RBFOX1: variants seen among roughly 807,000 people sequenced by gnomAD.
RBFOX1 encodes the protein RNA binding protein fox-1 homolog 1.
In RBFOX1, 8 loss-of-function variants were observed where a neutral mutation model predicts 57.7. That is an observed-to-expected ratio of 0.14 (90% CI 0.08 to 0.25). The LOEUF is 0.25. RBFOX1 is among the 10% of genes least tolerant of loss of function. The pLI is 1.00. For missense variants in RBFOX1, 611 were observed against 548.5 expected, an observed-to-expected ratio of 1.11 and a Z score of -1.14; for synonymous variants, 326 against 222.4, an observed-to-expected ratio of 1.47 and a Z score of -4.15.
chr16:6,819,991 C>G (rs1251224428), intron 3 of RBFOX1, among the ~76,000 whole-genome samples: 1 of 152,112 alleles, frequency 6.6e-6, no homozygotes, highest in East Asian at 1.9e-4. Flanking sequence ...CAAATCACAT[C>G]TTGAATTGTA....
At chr16:6,978,931 C>A (rs756919282) in intron 3 of RBFOX1, among the ~76,000 whole-genome samples, 2 of 152,196 alleles carry the variant, frequency 1.3e-5, no homozygotes, top group African/African-American at 2.4e-5. Flanking sequence ...GGCCTGGGGA[C>A]CACACCCATC....
chr16:7,255,621 G>T (rs749899227), intron 4 of RBFOX1, among the ~76,000 whole-genome samples: 1 of 152,054 alleles, frequency 6.6e-6, no homozygotes, highest in African/African-American at 2.4e-5. Context: ...GCAAGGTCTG[G>T]ACCAGCACTG....
chr16:6,510,925 A>G (rs2096243550), intron 2 of RBFOX1, among the ~76,000 whole-genome samples: 1 of 152,068 alleles, frequency 6.6e-6, no homozygotes, highest in East Asian at 1.9e-4. Flanking sequence ...AATTTTAAGC[A>G]TGAAAGACAA....
chr16:7,272,939 C>T (rs976102637), intron 4 of RBFOX1, among the ~76,000 whole-genome samples: 1 of 141,522 alleles, frequency 7.1e-6, no homozygotes, highest in Non-Finnish European at 1.5e-5. Flanking sequence ...TCCCTCACTT[C>T]CTTCCCTGCT....
chr16:6,730,357 C>T (rs75430967), intron 3 of RBFOX1, among the ~76,000 whole-genome samples: 2,405 of 151,696 alleles, frequency 0.016, 39 homozygotes, highest in Middle Eastern at 0.031. Flanking sequence ...ATATAGTAAG[C>T]AGTAAGCATG....
At chr16:6,872,357 C>G (rs985075614) in intron 3 of RBFOX1, among the ~76,000 whole-genome samples, 2 of 152,114 alleles carry the variant, frequency 1.3e-5, no homozygotes, top group African/African-American at 2.4e-5. Context: ...CTCTCTTTTT[C>G]TCTTTCTCGT....
At chr16:6,105,193 C>G (rs182519203) in intron 1 of RBFOX1, among the ~76,000 whole-genome samples, 1 of 152,194 alleles carries the variant, frequency 6.6e-6, no homozygotes, top group African/African-American at 2.4e-5. Context: ...GGACCACCCT[C>G]CATTTTTAAG....
Position 6,637,320 on chromosome 16 carries a change from T to A in RBFOX1, c.-63-17283T>A, listed in dbSNP as rs866576733. Among the ~76,000 whole-genome samples, 409 of 66,420 alleles carry A rather than the reference T, an allele frequency of 6.2e-3. 86 individuals are homozygous for A. The highest frequency in any genetic ancestry group is 0.036 in the African/African-American group (400 of 11,238). 43.6% of individuals were successfully genotyped at this position (66,420 alleles called of 152,430 possible). On this transcript the variant is annotated intron_variant, in intron 2 of 15. Coordinates refer to ENST00000550418, the MANE Select transcript of RBFOX1 (RefSeq NM_018723.4). Reference sequence around the variant, plus strand: ...ATATACAAATATATATTATATATTATATATATTATATAATATACAAATATA... The same window carrying A: ...ATATACAAATATATATTATATATTAAATATATTATATAATATACAAATATA...
In RBFOX1 at chr16:7,518,247, C is replaced by T. The variant is rs768489798; in HGVS notation, c.128C>T (p.Ala43Val). 3 of 1,614,138 alleles carry T rather than the reference C, an allele frequency of 1.9e-6. No homozygotes were observed. Among genetic ancestry groups the T allele is most frequent in the South Asian group, 1.1e-5 (1 of 91,082 alleles). ...PQNGIPAEYT[A>V]PHPHPAPEYT... The stretch of plus-strand genomic sequence containing the variant: ...AACGGTATCCCCGCGGAATACACGG[C>T]CCCTCATCCCCACCCCGCGCCAGAG... The change falls in exon 5 of 16, where the codon GCC becomes GTC. Residue 43 changes from alanine (A) to valine (V), a missense_variant. By Grantham distance (64) the Ala-to-Val change is moderately conservative. Coordinates refer to ENST00000550418, the MANE Select transcript of RBFOX1 (RefSeq NM_018723.4).
chr16:6,097,521 A>C lies in RBFOX1; in HGVS notation c.-127+77529A>C, dbSNP rs564612822. Among the ~76,000 whole-genome samples the C allele has an allele frequency of 6.6e-6, 1 of 152,302 alleles. No homozygotes were observed. Among genetic ancestry groups the C allele is most frequent in the South Asian group, 2.1e-4 (1 of 4,822 alleles). On this transcript the variant is annotated intron_variant, in intron 1 of 15. Transcript: ENST00000550418. This position sits in a 1 kb window ranked among gnomAD's most constrained non-coding sequence, Gnocchi z 5.0. ...GAACCAGCAATCTGTGCTTTCAACA[A>C]GCTCTCTGAGTGCTTCTTCTGAATG...
chr16:6,288,738 T>A (rs2152715533), intron 1 of RBFOX1, among the ~76,000 whole-genome samples: 1 of 152,242 alleles, frequency 6.6e-6, no homozygotes. Context: ...AAGCAAGGTC[T>A]TAGGTCTCTA....
intron 3 of RBFOX1, among the ~76,000 whole-genome samples, chr16:5,653,184 T>C (rs1053500944): frequency 3.3e-4 from 46 of 139,988 alleles, no homozygotes; most frequent in African/African-American, 1.5e-3. Flanking sequence ...TGCTGCACTT[T>C]TGTGCGGAAG....
chr16:6,652,367 G>C (rs936939649), intron 2 of RBFOX1, among the ~76,000 whole-genome samples: 2 of 152,054 alleles, frequency 1.3e-5, no homozygotes, highest in African/African-American at 4.8e-5. Flanking sequence ...AGAATCACTT[G>C]AACCTGGGAG....
chr16:7,230,394 A>C (rs1262156672), intron 4 of RBFOX1, among the ~76,000 whole-genome samples: 8 of 152,126 alleles, frequency 5.3e-5, no homozygotes, highest in Admixed American at 5.2e-4. Context: ...TTAACATATC[A>C]GCTTCCATAG....
chr16:6,292,636 A>G (rs1010663631), intron 1 of RBFOX1, among the ~76,000 whole-genome samples: 9 of 152,148 alleles, frequency 5.9e-5, no homozygotes, highest in African/African-American at 2.2e-4. Flanking sequence ...TCACTGTGGA[A>G]AATTTCTGTA....
Position 6,347,258 on chromosome 16 carries a change from G to T in RBFOX1, c.-64+30201G>T, listed in dbSNP as rs1012886685. 3.3e-5 allele frequency among the ~76,000 whole-genome samples: 5 copies of T among 152,178 alleles called. No homozygotes were observed. The South Asian group carries it at 6.2e-4, about 19-fold the overall frequency. On this transcript the variant is annotated intron_variant, in intron 2 of 15. Coordinates refer to ENST00000550418, the MANE Select transcript of RBFOX1 (RefSeq NM_018723.4). ...CAACTAGGGAAGTCATGGTAATGTA[G>T]ACAGTGAACGGGAGATGGTTCTCAT...
intron 4 of RBFOX1, among the ~76,000 whole-genome samples, chr16:7,481,595 C>G (rs1388524776): frequency 1.3e-5 from 2 of 152,194 alleles, no homozygotes; most frequent in African/African-American, 4.8e-5. Flanking sequence ...CTGAAGGAAT[C>G]TTGCAGATAA....
chr16:5,590,141 T>G lies in RBFOX1; in HGVS notation c.259-8761T>G, dbSNP rs78298868. On this transcript the variant is annotated intron_variant, in intron 2 of 2. Transcript: ENST00000585867. ...GAAATTGATTTCTTTATTTTATGAC[T>G]TACTGAGAGGAGATTAATACTTTTT... Among the ~76,000 whole-genome samples, 900 of 152,220 alleles carry G rather than the reference T, an allele frequency of 5.9e-3. 5 individuals are homozygous for G. The highest frequency in any genetic ancestry group is 0.02 in the African/African-American group (844 of 41,546).
intron 3 of RBFOX1, among the ~76,000 whole-genome samples, chr16:6,793,418 G>A (rs1194948077): frequency 1.3e-5 from 2 of 152,088 alleles, no homozygotes; most frequent in East Asian, 1.9e-4. Flanking sequence ...ATTCTTACCT[G>A]TTCGTAATAC....
Sources: allele counts gnomAD v4.1 joint callset (sites outside exome capture counted in the v4.1 genomes callset), GRCh38; gene constraint gnomAD v4.1.1; non-coding constraint Gnocchi (gnomAD v3.1); transcripts MANE v1.5; gene names NCBI Gene and HGNC (gene_info 2026-07-23, HGNC 2026-07-21).